The following LRBA variants were observed in gnomAD, a reference collection of about 807,000 sequenced individuals.
LRBA encodes the protein LPS responsive beige-like anchor protein.
Under a neutral mutation model 330.0 loss-of-function variants are expected in LRBA, and 176 were observed. The ratio of observed to expected loss-of-function variants is 0.53; its 90% CI spans 0.47 to 0.60. The LOEUF is 0.60. Among genes scored for constraint, LRBA ranks in the 20% least tolerant of loss-of-function variants. LRBA has a pLI of 0.00. For synonymous variants in LRBA, 1,230 were observed against 1,193.0 expected (o/e 1.03, Z -0.64); for missense variants, 3,259 against 3,444.8 (o/e 0.95, Z 1.35).
chr4:150,700,654 T>A (rs2126993710), intron 36 of LRBA, among the ~76,000 whole-genome samples: 1 of 152,266 alleles, frequency 6.6e-6, no homozygotes, highest in African/African-American at 2.4e-5. Flanking sequence ...AAACTTAAAA[T>A]TTTTTAAAAT....
chr4:150,288,923 T>A (rs1214265425), intron 53 of LRBA, among the ~76,000 whole-genome samples: 3 of 152,150 alleles, frequency 2.0e-5, no homozygotes, highest in Non-Finnish European at 4.4e-5. Context: ...ATGAAGGCAT[T>A]CTAAGTATAA....
chr4:150,998,752 C>G lies in LRBA; in HGVS notation c.216+15675G>C, dbSNP rs552957762. Among the ~76,000 whole-genome samples the G allele has an allele frequency of 2.6e-5, 4 of 152,224 alleles. No individual in the cohort carries two copies. The South Asian group carries it at 8.3e-4, about 32-fold the overall frequency. On this transcript the variant is annotated intron_variant, in intron 2 of 56. Coordinates refer to ENST00000651943, the MANE Select transcript of LRBA (RefSeq NM_001364905.1). ...ATTTTGTTTTGGTAATACAAGGTTG[C>G]TTTCTAAGATAACAATTGCTCATCT...
intron 47 of LRBA, among the ~76,000 whole-genome samples, chr4:150,393,346 T>A (rs1391995338): frequency 1.3e-5 from 2 of 151,958 alleles, no homozygotes; most frequent in East Asian, 1.9e-4. Context: ...TTTTTTTTTT[T>A]AATGCTTTTC....
intron 31 of LRBA, among the ~76,000 whole-genome samples, chr4:150,813,173 AAAAGAAAG>A (rs1259987346): frequency 6.8e-5 from 3 of 44,400 alleles, no homozygotes; most frequent in African/African-American, 1.0e-4. Flanking sequence ...AAAAAAAAAA[AAAAGAAAG>A]AAAGAAAGAA....
chr4:150,677,960 C>T (rs974534323), intron 37 of LRBA, among the ~76,000 whole-genome samples: 1 of 151,950 alleles, frequency 6.6e-6, no homozygotes, highest in Non-Finnish European at 1.5e-5. Flanking sequence ...TAGAAATAGG[C>T]CAGGCATGGC....
Position 150,852,358 on chromosome 4 carries a change from T to G in LRBA, c.3352A>C (p.Ser1118Arg), listed in dbSNP as rs750313577. The G allele has an allele frequency of 2.5e-6, 4 of 1,613,592 alleles. No individual in the cohort carries two copies. Among genetic ancestry groups the G allele is most frequent in the African/African-American group, 2.7e-5 (2 of 74,950 alleles). The change falls in exon 23 of 57, where the codon AGT (serine) becomes CGT (arginine). Residue 1118 changes from serine to arginine, a missense_variant. By Grantham distance (110) the Ser-to-Arg change is moderately radical. Coordinates refer to ENST00000651943, the MANE Select transcript of LRBA (RefSeq NM_001364905.1). ...GGTAGATTAGCTTCCTCAGTAGGAC[T>G]GCCTTCTACTTTCAGTTCCACATAA... ...DDYVELKVEG[S>R]PTEEANLPTE... is the part of the protein sequence containing the mutation.
chr4:150,270,834 G>C (rs1745986877), intron 56 of LRBA, among the ~76,000 whole-genome samples: 1 of 152,190 alleles, frequency 6.6e-6, no homozygotes, highest in Non-Finnish European at 1.5e-5. Flanking sequence ...GAGATATGCA[G>C]AGATAAAGGC....
intron 56 of LRBA, among the ~76,000 whole-genome samples, chr4:150,266,155 C>T (rs1380621689): frequency 6.6e-6 from 1 of 152,058 alleles, no homozygotes; most frequent in Non-Finnish European, 1.5e-5. Flanking sequence ...TGGCAAGACC[C>T]ATCCATTATA....
At chr4:150,813,511 T>C (rs993583450) in intron 31 of LRBA, among the ~76,000 whole-genome samples, 9 of 152,156 alleles carry the variant, frequency 5.9e-5, no homozygotes, top group Admixed American at 5.9e-4. Context: ...TAATAATGTA[T>C]ACTATTTCAA....
At chr4:150,340,128 G>A (rs548991486) in intron 48 of LRBA, among the ~76,000 whole-genome samples, 1 of 152,156 alleles carries the variant, frequency 6.6e-6, no homozygotes, top group Admixed American at 6.5e-5. Context: ...ATGGCTGTAA[G>A]TTCCCTGAGG....
chr4:150,959,163 C>T (rs548845932), intron 2 of LRBA, among the ~76,000 whole-genome samples: 2 of 149,492 alleles, frequency 1.3e-5, no homozygotes, highest in African/African-American at 2.6e-5. Flanking sequence ...GCCTCATAGT[C>T]AAGGCTGAAG....
chr4:150,976,175 G>GAA lies in LRBA; in HGVS notation c.216+38250_216+38251dup, dbSNP rs56914557. ...GGGTGACAGAGTGAAACTCCGTCTT[G>GAA]AAAAAAAAAAAAAAAAAAAGAACAA... On this transcript the variant is annotated intron_variant, in intron 2 of 56. Transcript: ENST00000651943. Among the ~76,000 whole-genome samples, 252 of 88,656 alleles carry GAA rather than the reference G, an allele frequency of 2.8e-3. 4 individuals are homozygous for GAA. Among genetic ancestry groups the GAA allele is most frequent in the African/African-American group, 8.9e-3 (219 of 24,742 alleles). 58.2% of individuals were successfully genotyped at this position (88,656 alleles called of 152,430 possible).
intron 34 of LRBA, among the ~76,000 whole-genome samples, chr4:150,778,188 G>T (rs6820819): frequency 0.87 from 132,942 of 152,034 alleles, 58,520 homozygotes; most frequent in Non-Finnish European, 0.94. Context: ...ATTCTATTGT[G>T]TCTTTAATCA....
In LRBA at chr4:151,009,018, T is replaced by C. The variant is rs1212800598; in HGVS notation, c.216+5409A>G. 1.1e-4 allele frequency among the ~76,000 whole-genome samples: 3 copies of C among 28,272 alleles called. 1 individual carries two copies. Among genetic ancestry groups the C allele is most frequent in the Admixed American group, 1.8e-3 (2 of 1,138 alleles). The allele number at this position is 28,272 out of a possible 152,430, so 18.5% of individuals were successfully genotyped here. On this transcript the variant is annotated intron_variant, in intron 2 of 56. Coordinates refer to ENST00000651943, the MANE Select transcript of LRBA (RefSeq NM_001364905.1). Reference sequence around the variant, plus strand: ...ATATATATATATATATATATATATATATATATATAAAATGGTATTTTTTTT... The same window carrying C: ...ATATATATATATATATATATATATACATATATATAAAATGGTATTTTTTTT...
At chr4:150,513,820 T>A (rs563850563) in intron 40 of LRBA, among the ~76,000 whole-genome samples, 1 of 152,152 alleles carries the variant, frequency 6.6e-6, no homozygotes, top group South Asian at 2.1e-4. Flanking sequence ...CCAGATTCAG[T>A]CACACTGGGG....
chr4:150,966,458 G>GC (rs1283903071), intron 2 of LRBA, among the ~76,000 whole-genome samples: 1 of 148,020 alleles, frequency 6.8e-6, no homozygotes, highest in African/African-American at 2.5e-5. Flanking sequence ...ACAGGTGCCC[G>GC]CCACCACACC....
intron 33 of LRBA, among the ~76,000 whole-genome samples, chr4:150,804,067 A>G (rs1311059937): frequency 1.3e-5 from 2 of 152,156 alleles, no homozygotes; most frequent in Admixed American, 6.5e-5. Context: ...CATTTAAAAA[A>G]AAAGTTTCAT....
rs74831812 is a variant in LRBA, at chr4:150,762,918, A to G, written c.5581-1071T>C. Among the ~76,000 whole-genome samples, 1,175 of 151,664 alleles carry G rather than the reference A, an allele frequency of 7.7e-3. 12 individuals are homozygous for G. Among genetic ancestry groups the G allele is most frequent in the African/African-American group, 0.027 (1,120 of 41,420 alleles). On this transcript the variant is annotated intron_variant, in intron 34 of 56. Transcript: ENST00000651943. ...TTCACCCTAATAGCTATTCCGTTCC[A>G]CTCCAAATTCTTTTCTTTTTCATTC...
intron 17 of LRBA, among the ~76,000 whole-genome samples, chr4:150,875,404 C>G (rs1753898865): frequency 6.6e-6 from 1 of 152,262 alleles, no homozygotes; most frequent in Admixed American, 6.5e-5. Flanking sequence ...TTTTTTGTGC[C>G]CTTCTCCAGA....
Sources: allele counts gnomAD v4.1 joint callset (sites outside exome capture counted in the v4.1 genomes callset), GRCh38; gene constraint gnomAD v4.1.1; transcripts MANE v1.5; gene names NCBI Gene and HGNC (gene_info 2026-07-23, HGNC 2026-07-21).